Variants in LRRFIP1 observed in about 807,000 individuals in gnomAD.
LRRFIP1 encodes the protein LRR binding FLII interacting protein 1, also known as leucine-rich repeat flightless-interacting protein 1.
In LRRFIP1, 62 loss-of-function variants were observed where a neutral mutation model predicts 104.4. The ratio of observed to expected loss-of-function variants is 0.59; its 90% CI spans 0.48 to 0.73. The LOEUF is 0.73. Ranked by LOEUF, LRRFIP1 falls within the 30% of genes least tolerant of loss-of-function variation. The probability of loss-of-function intolerance (pLI) is 0.00; values close to 1 mark genes in which losing one functional copy is unlikely to be tolerated. For synonymous variants in LRRFIP1, 300 were observed against 299.0 expected (o/e 1.00, Z -0.03); for missense variants, 796 against 824.5 (o/e 0.97, Z 0.42).
At chr2:237,700,955 A>G (rs1416651949) in intron 1 of LRRFIP1, among the ~76,000 whole-genome samples, 1 of 152,144 alleles carries the variant, frequency 6.6e-6, no homozygotes, top group Non-Finnish European at 1.5e-5. Context: ...GCTTCTGTGT[A>G]GAATTCTGGA....
intron 1 of LRRFIP1, among the ~76,000 whole-genome samples, chr2:237,678,613 C>A (rs1364810403): frequency 1.3e-5 from 2 of 152,096 alleles, no homozygotes; most frequent in Admixed American, 1.3e-4. Flanking sequence ...TCAAGCAATT[C>A]TCCTGCCTCA....
At chr2:237,731,840 A>G (rs1221327281) in intron 8 of LRRFIP1, among the ~76,000 whole-genome samples, 1 of 152,190 alleles carries the variant, frequency 6.6e-6, no homozygotes, top group African/African-American at 2.4e-5. Context: ...ACAGGGCCAC[A>G]TGTGAACTCG....
At chr2:237,739,367 T>G (rs1175612643) in intron 11 of LRRFIP1, 58 bp downstream of exon 11, 1 of 1,399,344 alleles carries the variant, frequency 7.1e-7, no homozygotes, top group Non-Finnish European at 9.8e-7. Flanking sequence ...CCCCTTCCCT[T>G]ATCCTCCTCT....
intron 2 of LRRFIP1, among the ~76,000 whole-genome samples, chr2:237,709,109 AC>A (rs1159046893): frequency 6.6e-6 from 1 of 152,072 alleles, no homozygotes; most frequent in Non-Finnish European, 1.5e-5. Context: ...TGATAGAGAG[AC>A]GGGAATGAAC....
chr2:237,778,782 T>G (rs2061304144), intron 23 of LRRFIP1, among the ~76,000 whole-genome samples: 1 of 151,876 alleles, frequency 6.6e-6, no homozygotes, highest in Non-Finnish European at 1.5e-5. Context: ...CCAGGTGTGG[T>G]GGTGTGCACC....
chr2:237,670,849 G>A (rs184042874), intron 1 of LRRFIP1, among the ~76,000 whole-genome samples: 72 of 152,322 alleles, frequency 4.7e-4, no homozygotes, highest in Non-Finnish European at 8.5e-4. Context: ...ACATGGAAGC[G>A]TGCCAGGCAT....
At chr2:237,674,990 G>T (rs573778116) in intron 1 of LRRFIP1, among the ~76,000 whole-genome samples, 1 of 152,252 alleles carries the variant, frequency 6.6e-6, no homozygotes, top group Admixed American at 6.5e-5. Flanking sequence ...GGAGGAGGGA[G>T]CCCGGAGCAC....
chr2:237,671,215 C>T (rs1196870607), intron 1 of LRRFIP1, among the ~76,000 whole-genome samples: 1 of 152,190 alleles, frequency 6.6e-6, no homozygotes, highest in Non-Finnish European at 1.5e-5. Context: ...CGTGTGATAA[C>T]CTGCACTACA....
intron 8 of LRRFIP1, among the ~76,000 whole-genome samples, chr2:237,733,310 G>A (rs1193743398): frequency 2.6e-5 from 4 of 152,202 alleles, no homozygotes; most frequent in Admixed American, 2.6e-4. Flanking sequence ...TTTGTGTCTT[G>A]AAGACTGTCG....
At chr2:237,659,160 C>T (rs565033459) in intron 1 of LRRFIP1, among the ~76,000 whole-genome samples, 1 of 152,226 alleles carries the variant, frequency 6.6e-6, no homozygotes, top group African/African-American at 2.4e-5. Flanking sequence ...GTGGTGCCAT[C>T]ACAGCTTACT....
At chr2:237,753,829 T>C (rs963325900) in intron 15 of LRRFIP1, among the ~76,000 whole-genome samples, 4 of 132,136 alleles carry the variant, frequency 3.0e-5, no homozygotes, top group Middle Eastern at 4.0e-3. Context: ...AGGGTGTGTG[T>C]GTGTGTGTGT....
At chr2:237,704,644 G>A (rs541988088) in intron 1 of LRRFIP1, among the ~76,000 whole-genome samples, 1 of 152,242 alleles carries the variant, frequency 6.6e-6, no homozygotes, top group Non-Finnish European at 1.5e-5. Flanking sequence ...TGCCACTTCC[G>A]GTATTGCCAG....
intron 1 of LRRFIP1, among the ~76,000 whole-genome samples, chr2:237,698,870 T>C (rs2093350364): frequency 6.6e-6 from 1 of 152,232 alleles, no homozygotes; most frequent in Non-Finnish European, 1.5e-5. Flanking sequence ...TACAAGTTCC[T>C]TAACTTCCTT....
chr2:237,756,779 A>G (rs1296748583), intron 16 of LRRFIP1, among the ~76,000 whole-genome samples: 1 of 152,212 alleles, frequency 6.6e-6, no homozygotes, highest in Non-Finnish European at 1.5e-5. Flanking sequence ...GAAGTTGCCT[A>G]CATCCAGATC....
intron 1 of LRRFIP1, among the ~76,000 whole-genome samples, chr2:237,685,104 ACCCT>A (rs368841661): frequency 0.13 from 2,285 of 17,408 alleles, 25 homozygotes; most frequent in Middle Eastern, 0.25. Flanking sequence ...TTGTCTCCCT[ACCCT>A]CCCCCCCCCA....
chr2:237,657,474 T>G (rs1236341359), intron 1 of LRRFIP1, among the ~76,000 whole-genome samples: 1 of 152,158 alleles, frequency 6.6e-6, no homozygotes, highest in African/African-American at 2.4e-5. Flanking sequence ...AAAGAGGTTC[T>G]TGAGAAGACA....
chr2:237,769,549 A>T (rs146138765), intron 19 of LRRFIP1: 1 of 204,336 alleles, frequency 4.9e-6, no homozygotes, highest in African/African-American at 2.3e-5. Context: ...CGGAAAGGCG[A>T]GGCTGTTCAA....
Position 237,703,763 on chromosome 2 carries a change from C to T in LRRFIP1, c.97-4781C>T, listed in dbSNP as rs2093661260. On this transcript the variant is annotated intron_variant, in intron 1 of 23. Transcript: ENST00000308482. This position sits in a 1 kb window ranked among gnomAD's most constrained non-coding sequence, Gnocchi z 4.3. The stretch of plus-strand genomic sequence containing the variant: ...TTCCCTGGAGACTGGGCACCCAAAC[C>T]ACATTTCAGAAATCCCTCCCACTGT... 6.6e-6 allele frequency among the ~76,000 whole-genome samples: 1 copy of T among 152,004 alleles called. No individual in the cohort carries two copies. The highest frequency in any genetic ancestry group is 1.5e-5 in the Non-Finnish European group (1 of 68,004).
intron 1 of LRRFIP1, among the ~76,000 whole-genome samples, chr2:237,647,120 T>C (rs1392676657): frequency 6.6e-6 from 1 of 152,074 alleles, no homozygotes; most frequent in African/African-American, 2.4e-5. Flanking sequence ...CTTTGAATTC[T>C]CCTTTCTCCA....
Sources: gnomAD v4.1 joint callset for allele counts (sites outside exome capture counted in the v4.1 genomes callset) on GRCh38, gnomAD v4.1.1 for gene constraint, Gnocchi (gnomAD v3.1) non-coding constraint, MANE v1.5 for transcripts, NCBI Gene and HGNC (gene_info 2026-07-23, HGNC 2026-07-21) for gene names.